Variants in ANXA8 observed in about 807,000 individuals in gnomAD.
The protein encoded by ANXA8 is VAC-beta.
ANXA8 carries 9 observed loss-of-function variants against 26.8 expected under a neutral mutation model. The ratio of observed to expected loss-of-function variants is 0.34; its 90% confidence interval spans 0.20 to 0.59. The LOEUF (loss-of-function observed/expected upper bound fraction) is 0.59, where lower values mean the gene tolerates loss of function less well. Among genes scored for constraint, ANXA8 ranks in the 20% least tolerant of loss-of-function variants. The pLI, the probability that ANXA8 is intolerant of heterozygous loss-of-function variation, is 0.84. For synonymous variants in ANXA8, 39 were observed against 94.8 expected, an observed-to-expected ratio of 0.41 and a Z score of 3.42; for missense variants, 83 against 238.5, an observed-to-expected ratio of 0.35 and a Z score of 4.29.
chr10:47,586,679 G>C, the ANXA8 span, among the ~76,000 whole-genome samples: 1 of 145,864 alleles, frequency 6.9e-6, no homozygotes, highest in Non-Finnish European at 1.5e-5. Flanking sequence ...AGGTTGGAAG[G>C]AGGGATGAGG....
chr10:47,592,460 T>A, the ANXA8 span, among the ~76,000 whole-genome samples: 1 of 148,720 alleles, frequency 6.7e-6, no homozygotes, highest in South Asian at 2.1e-4. Context: ...CAGTGCTGTG[T>A]GATTAAGTTG....
chr10:47,545,948 C>T, the ANXA8 span, among the ~76,000 whole-genome samples: 1 of 45,512 alleles, frequency 2.2e-5, no homozygotes. Context: ...CTCTGACTTG[C>T]TCTAAAAGGC....
At chr10:47,593,167 TGCTCTGACTTTGGTAA>T in the ANXA8 span, among the ~76,000 whole-genome samples, 1 of 146,362 alleles carries the variant, frequency 6.8e-6, no homozygotes, top group African/African-American at 2.7e-5. Context: ...CCCTAAAACC[TGCTCTGACTTTGGTAA>T]GCACAGTGGA....
chr10:47,584,165 G>C, the ANXA8 span, among the ~76,000 whole-genome samples: 1 of 149,394 alleles, frequency 6.7e-6, no homozygotes, highest in Non-Finnish European at 1.5e-5. Flanking sequence ...GGCGAGAGGA[G>C]ACCCTGTCTC....
the ANXA8 span, among the ~76,000 whole-genome samples, chr10:47,896,824 C>T: frequency 1.3e-5 from 2 of 151,990 alleles, no homozygotes; most frequent in Non-Finnish European, 2.9e-5. Flanking sequence ...GACAGGTATT[C>T]AAACAAGACA....
chr10:47,560,614 C>G, the ANXA8 span, among the ~76,000 whole-genome samples: 1 of 151,868 alleles, frequency 6.6e-6, no homozygotes, highest in Non-Finnish European at 1.5e-5. Flanking sequence ...TGCCAGATTC[C>G]CCATGTGCGA....
At chr10:47,675,663 A>T in the ANXA8 span, among the ~76,000 whole-genome samples, 1 of 151,642 alleles carries the variant, frequency 6.6e-6, no homozygotes, top group Non-Finnish European at 1.5e-5. Context: ...AATATTACTT[A>T]ATTTAATAAG....
At chr10:47,502,298 A>C in the ANXA8 span, 22,538 of 1,600,932 alleles carry the variant, frequency 0.014, 891 homozygotes, top group South Asian at 0.026. Flanking sequence ...TCCTCACGGG[A>C]GCCATGTGCC....
the ANXA8 span, among the ~76,000 whole-genome samples, chr10:47,570,830 G>A: frequency 1.3e-5 from 2 of 148,744 alleles, no homozygotes; most frequent in African/African-American, 5.1e-5. Flanking sequence ...AAAAAGTCAT[G>A]AAATAAATGT....
the ANXA8 span, among the ~76,000 whole-genome samples, chr10:47,626,967 C>T: frequency 6.7e-6 from 1 of 149,430 alleles, no homozygotes; most frequent in African/African-American, 2.6e-5. Flanking sequence ...TCCATCTCCT[C>T]GTAGTGTACG....
chr10:47,604,981 G>A, the ANXA8 span, among the ~76,000 whole-genome samples: 1 of 151,328 alleles, frequency 6.6e-6, no homozygotes, highest in African/African-American at 2.5e-5. Context: ...TGAGCATACA[G>A]ATACTTCATG....
At chr10:47,907,532 CG>C in the ANXA8 span, among the ~76,000 whole-genome samples, 16 of 141,116 alleles carry the variant, frequency 1.1e-4, no homozygotes, top group African/African-American at 3.7e-4. Flanking sequence ...TTTGGGAGGC[CG>C]AGGCGGGTGG....
At chr10:47,762,250 G>A in the ANXA8 span, among the ~76,000 whole-genome samples, 1 of 152,044 alleles carries the variant, frequency 6.6e-6, no homozygotes, top group Admixed American at 6.6e-5. Flanking sequence ...AGGCCCCATT[G>A]CTGCTGGCCC....
At chr10:47,755,555 C>CTTT in the ANXA8 span, among the ~76,000 whole-genome samples, 1,351 of 82,950 alleles carry the variant, frequency 0.016, 33 homozygotes, top group African/African-American at 0.028. Context: ...GTGCCCGGCC[C>CTTT]TTTTTTTTTT....
chr10:47,492,961 C>T, the ANXA8 span, among the ~76,000 whole-genome samples: 1 of 151,262 alleles, frequency 6.6e-6, no homozygotes, highest in Non-Finnish European at 1.5e-5. Flanking sequence ...GACTGTGGGC[C>T]CTCCCAGCCT....
At chr10:47,633,319 C>CACGCACACG in the ANXA8 span, among the ~76,000 whole-genome samples, 6 of 92,162 alleles carry the variant, frequency 6.5e-5, no homozygotes, top group African/African-American at 3.2e-4. Flanking sequence ...CACGTACGTT[C>CACGCACACG]TCACACACCC....
chr10:47,484,525 C>A, upstream of ANXA8: 2 of 1,439,150 alleles, frequency 1.4e-6, no homozygotes, highest in Non-Finnish European at 1.9e-6. Context: ...GGCGGCACAG[C>A]CACCTTATAC....
At chr10:47,710,537 TGTGATA>T in the ANXA8 span, 5 of 1,600,808 alleles carry the variant, frequency 3.1e-6, no homozygotes, top group Non-Finnish European at 3.4e-6. Flanking sequence ...TGGTATCACG[TGTGATA>T]GAGTAATGCC....
At chr10:47,554,110 A>AAAAAAAATAAAT in the ANXA8 span, among the ~76,000 whole-genome samples, 12 of 129,864 alleles carry the variant, frequency 9.2e-5, 1 homozygote, top group African/African-American at 3.0e-4. Flanking sequence ...CATCTCTCAA[A>AAAAAAAATAAAT]AAATAAATAA....
Sources: gnomAD v4.1 joint callset for allele counts (sites outside exome capture counted in the v4.1 genomes callset) on GRCh38, gnomAD v4.1.1 for gene constraint, MANE v1.5 for transcripts, NCBI Gene and HGNC (gene_info 2026-07-23, HGNC 2026-07-21) for gene names.